B3GALT1: variants seen among roughly 807,000 people sequenced by gnomAD.
The protein encoded by B3GALT1 is UDP-Gal:betaGlcNAc beta 1,3-galactosyltransferase, polypeptide 1.
In B3GALT1, 10 loss-of-function variants were observed where a neutral mutation model predicts 23.2. The ratio of observed to expected loss-of-function variants is 0.43; its 90% CI spans 0.27 to 0.73. The LOEUF is 0.73. B3GALT1 is among the 30% of genes least tolerant of loss of function. The probability of loss-of-function intolerance (pLI) is 0.21; values close to 1 mark genes in which losing one functional copy is unlikely to be tolerated. For synonymous variants in B3GALT1, 156 were observed against 141.5 expected (o/e 1.10, Z -0.73); for missense variants, 299 against 405.4 (o/e 0.74, Z 2.25).
At chr2:167,493,868 G>A (rs955589195) in intron 2 of B3GALT1, among the ~76,000 whole-genome samples, 2 of 152,036 alleles carry the variant, frequency 1.3e-5, no homozygotes, top group Non-Finnish European at 2.9e-5. Flanking sequence ...GATTAATTTT[G>A]TAGTCCATGA....
In B3GALT1 at chr2:167,492,237, TA is replaced by T. The variant is rs773661790; in HGVS notation, c.-410+1961del. On this transcript the variant is annotated intron_variant, in intron 2 of 4. Transcript: ENST00000392690. Reference sequence around the variant, plus strand: ...CATATAGTTGGAATAATGCAGTATGTAGCCTTTTCAGTTTGGCTTCTTTTAC... The same window carrying T: ...CATATAGTTGGAATAATGCAGTATGTGCCTTTTCAGTTTGGCTTCTTTTAC... 3.9e-5 allele frequency among the ~76,000 whole-genome samples: 6 copies of T among 152,212 alleles called. No homozygotes were observed. The South Asian group carries it at 1.2e-3, about 32-fold the overall frequency.
intron 2 of B3GALT1, among the ~76,000 whole-genome samples, chr2:167,583,875 C>T (rs1239035263): frequency 1.3e-5 from 2 of 152,166 alleles, no homozygotes; most frequent in African/African-American, 4.8e-5. Context: ...CATCTAGAGT[C>T]AGCTCCTGCT....
intron 1 of B3GALT1, among the ~76,000 whole-genome samples, chr2:167,317,460 A>G (rs999109930): frequency 6.6e-6 from 1 of 152,052 alleles, no homozygotes; most frequent in African/African-American, 2.4e-5. Flanking sequence ...ACTTAAAAAC[A>G]TGTGAGCTTC....
intron 2 of B3GALT1, among the ~76,000 whole-genome samples, chr2:167,598,757 A>G (rs959335579): frequency 6.6e-6 from 1 of 152,138 alleles, no homozygotes; most frequent in Non-Finnish European, 1.5e-5. Flanking sequence ...TGTTACATAT[A>G]TAATAGGGCT....
At chr2:167,443,995 G>C (rs945780665) in intron 1 of B3GALT1, among the ~76,000 whole-genome samples, 4 of 152,138 alleles carry the variant, frequency 2.6e-5, no homozygotes, top group African/African-American at 7.2e-5. Context: ...TATGATATTG[G>C]CTGTGGGTTT....
chr2:167,344,899 G>T (rs1479559035), intron 1 of B3GALT1, among the ~76,000 whole-genome samples: 1 of 152,038 alleles, frequency 6.6e-6, no homozygotes. Flanking sequence ...GAGACTAAAG[G>T]TATTAAGCAA....
intron 2 of B3GALT1, among the ~76,000 whole-genome samples, chr2:167,512,789 G>A (rs1246711678): frequency 6.8e-6 from 1 of 146,980 alleles, no homozygotes; most frequent in African/African-American, 2.5e-5. Flanking sequence ...GACCACAGAT[G>A]CATGCTACCA....
At chr2:167,452,745 T>C in intron 1 of B3GALT1, among the ~76,000 whole-genome samples, 1 of 152,178 alleles carries the variant, frequency 6.6e-6, no homozygotes, top group Admixed American at 6.5e-5. Context: ...AAAATCTTAA[T>C]TTTGCCAAAT....
At chr2:167,657,310 A>G (rs1685971789) in intron 3 of B3GALT1, among the ~76,000 whole-genome samples, 1 of 152,098 alleles carries the variant, frequency 6.6e-6, no homozygotes, top group South Asian at 2.1e-4. Context: ...GGCTGAGTTC[A>G]ACAGAGGAGA....
chr2:167,598,656 C>G (rs1028049103), intron 2 of B3GALT1, among the ~76,000 whole-genome samples: 1 of 152,152 alleles, frequency 6.6e-6, no homozygotes, highest in African/African-American at 2.4e-5. Flanking sequence ...CACATTCTCA[C>G]GTGGCGTGTC....
chr2:167,384,863 A>G (rs1288071322), intron 1 of B3GALT1, among the ~76,000 whole-genome samples: 1 of 151,728 alleles, frequency 6.6e-6, no homozygotes, highest in African/African-American at 2.4e-5. Flanking sequence ...TGGGCTAAAA[A>G]CCCAATATCC....
chr2:167,713,771 C>T (rs1687099871), intron 3 of B3GALT1: 37 of 1,590,098 alleles, frequency 2.3e-5, no homozygotes, highest in Non-Finnish European at 3.0e-5. Flanking sequence ...AAATCCAGGT[C>T]TTGGATGAAA....
chr2:167,342,714 T>C (rs1223361022), intron 1 of B3GALT1, among the ~76,000 whole-genome samples: 1 of 152,196 alleles, frequency 6.6e-6, no homozygotes, highest in East Asian at 1.9e-4. Context: ...CTGTAATTCC[T>C]TTTCTGCATT....
intron 4 of B3GALT1, among the ~76,000 whole-genome samples, chr2:167,865,747 G>A (rs541523423): frequency 6.6e-6 from 1 of 152,156 alleles, no homozygotes; most frequent in Admixed American, 6.5e-5. Context: ...AGCCGAGATT[G>A]CACCACTGCA....
chr2:167,512,554 A>G (rs1485703027), intron 2 of B3GALT1, among the ~76,000 whole-genome samples: 5 of 98,224 alleles, frequency 5.1e-5, no homozygotes, highest in African/African-American at 2.0e-4. Context: ...ATGTATATAT[A>G]TGTATATATA....
chr2:167,855,600 T>C (rs368576435), intron 4 of B3GALT1, among the ~76,000 whole-genome samples: 1 of 152,204 alleles, frequency 6.6e-6, no homozygotes, highest in Non-Finnish European at 1.5e-5. Flanking sequence ...TTTAAAAATA[T>C]GTGCTGTAGT....
At chr2:167,806,589 G>C (rs182580818) in intron 3 of B3GALT1, among the ~76,000 whole-genome samples, 1 of 152,064 alleles carries the variant, frequency 6.6e-6, no homozygotes, top group African/African-American at 2.4e-5. Flanking sequence ...AGTTTTTGTC[G>C]TTGGTTCTGT....
At position 167,562,802 on chromosome 2, in the gene B3GALT1, C is replaced by A. The variant is rs371571720; in HGVS notation, c.-410+72525C>A. ...CTAGGCAGAGGACCCTGCGGCCTTC[C>A]GCAGTGTTTGTGTCCCTGGGTACTT... On this transcript the variant is annotated intron_variant, in intron 2 of 4. Transcript: ENST00000392690. 1.6e-3 allele frequency among the ~76,000 whole-genome samples: 240 copies of A among 152,000 alleles called. 1 individual carries two copies. Among genetic ancestry groups the A allele is most frequent in the African/African-American group, 5.5e-3 (226 of 41,448 alleles).
At chr2:167,405,120 A>G (rs1238649225) in intron 1 of B3GALT1, among the ~76,000 whole-genome samples, 1 of 152,192 alleles carries the variant, frequency 6.6e-6, no homozygotes, top group African/African-American at 2.4e-5. Context: ...CATGATGAGT[A>G]AGCATCATAT....
Sources: gnomAD v4.1 joint callset for allele counts (sites outside exome capture counted in the v4.1 genomes callset) on GRCh38, gnomAD v4.1.1 for gene constraint, MANE v1.5 for transcripts, NCBI Gene and HGNC (gene_info 2026-07-23, HGNC 2026-07-21) for gene names.